Variants in SOX6 observed in about 807,000 individuals in gnomAD.
The protein encoded by SOX6 is transcription factor SOX-6.
In SOX6, 11 loss-of-function variants were observed where a neutral mutation model predicts 97.8. The observed-to-expected ratio is 0.11, with a 90% CI of 0.07 to 0.19. SOX6 has a LOEUF of 0.19. SOX6 is among the 10% of genes least tolerant of loss of function. SOX6 has a pLI of 1.00. For synonymous variants in SOX6, 360 were observed against 371.4 expected (o/e 0.97, Z 0.35); for missense variants, 810 against 1,039.5 (o/e 0.78, Z 3.04).
At chr11:15,980,761 G>A (rs1309455380) in intron 15 of SOX6, among the ~76,000 whole-genome samples, 2 of 151,966 alleles carry the variant, frequency 1.3e-5, no homozygotes, top group Non-Finnish European at 2.9e-5. Context: ...TCCCATGCTT[G>A]GCCATAATGC....
At chr11:16,385,088 T>C (rs1022274008) in intron 1 of SOX6, among the ~76,000 whole-genome samples, 1 of 152,134 alleles carries the variant, frequency 6.6e-6, no homozygotes, top group African/African-American at 2.4e-5. Flanking sequence ...TTACTTCAAG[T>C]ACTGTTGTTA....
In SOX6 at chr11:16,569,868, C is replaced by CAAAAAAAAAAAAAAAAAAAAAAAAAAAA. The variant is rs34604334; in HGVS notation, n.609+42212_609+42213insTTTTTTTTTTTTTTTTTTTTTTTTTTTT. On this transcript the variant is annotated intron_variant and non_coding_transcript_variant, in intron 4 of 5. Coordinates refer to the SOX6 transcript ENST00000524520. ...TGGGTGACTGATCAAGACTCCGTCTCAAAAAAAAAAAAAAAAAGATATACT... is the reference window on the plus strand; with the variant it reads ...TGGGTGACTGATCAAGACTCCGTCTCAAAAAAAAAAAAAAAAAAAAAAAAAAAAAAAAAAAAAAAAAAAAAGATATACT... Among the ~76,000 whole-genome samples, 30 of 84,770 alleles carry CAAAAAAAAAAAAAAAAAAAAAAAAAAAA rather than the reference C, an allele frequency of 3.5e-4. 1 individual carries two copies. Among genetic ancestry groups the CAAAAAAAAAAAAAAAAAAAAAAAAAAAA allele is most frequent in the East Asian group, 8.4e-4 (2 of 2,376 alleles). 55.6% of individuals were successfully genotyped at this position (84,770 alleles called of 152,430 possible).
chr11:16,019,353 C>T (rs1456690619), intron 12 of SOX6, among the ~76,000 whole-genome samples: 1 of 152,050 alleles, frequency 6.6e-6, no homozygotes, highest in Non-Finnish European at 1.5e-5. Flanking sequence ...CTTTACTAAC[C>T]TTTATTCAAA....
intron 2 of SOX6, among the ~76,000 whole-genome samples, chr11:16,319,575 G>T (rs902427885): frequency 4.1e-5 from 6 of 147,274 alleles, no homozygotes; most frequent in African/African-American, 1.5e-4. Context: ...TCCCACCTAC[G>T]AGTGATAACA....
chr11:16,539,148 T>C (rs1044755838), intron 4 of SOX6, among the ~76,000 whole-genome samples: 1 of 152,138 alleles, frequency 6.6e-6, no homozygotes, highest in African/African-American at 2.4e-5. Context: ...TGCAATCAAA[T>C]TAGAACTCAG....
At chr11:16,137,323 T>C (rs1446796197) in intron 6 of SOX6, among the ~76,000 whole-genome samples, 1 of 152,000 alleles carries the variant, frequency 6.6e-6, no homozygotes, top group Non-Finnish European at 1.5e-5. Context: ...CTACTCGGGA[T>C]GCTGAGGCAC....
intron 9 of SOX6, among the ~76,000 whole-genome samples, chr11:16,069,364 T>C (rs1299948709): frequency 3.9e-5 from 6 of 152,210 alleles, no homozygotes; most frequent in Non-Finnish European, 8.8e-5. Context: ...TCATACATAC[T>C]CATTTCTCGT....
chr11:16,456,952 C>A (rs2133102114), intron 1 of SOX6, among the ~76,000 whole-genome samples: 1 of 152,106 alleles, frequency 6.6e-6, no homozygotes, highest in African/African-American at 2.4e-5. Flanking sequence ...TTTTGAAAAT[C>A]AAAGGTTTTT....
intron 6 of SOX6, among the ~76,000 whole-genome samples, chr11:16,183,103 C>T (rs1851386495): frequency 6.6e-6 from 1 of 151,826 alleles, no homozygotes; most frequent in South Asian, 2.1e-4. Context: ...CAGCCAGTTC[C>T]TTATTCTAGG....
intron 4 of SOX6, among the ~76,000 whole-genome samples, chr11:16,566,734 G>C (rs940256884): frequency 6.6e-6 from 1 of 152,204 alleles, no homozygotes; most frequent in African/African-American, 2.4e-5. Flanking sequence ...CTCATGGAAA[G>C]GTAAAATGAT....
At chr11:16,479,947 G>A (rs1179257076), upstream of SOX6, among the ~76,000 whole-genome samples, 1 of 151,878 alleles carries the variant, frequency 6.6e-6, no homozygotes, top group Non-Finnish European at 1.5e-5. Context: ...CCAAAATTAG[G>A]AATAACCTAT....
At chr11:16,161,148 T>C (rs1850738760) in intron 6 of SOX6, among the ~76,000 whole-genome samples, 1 of 152,136 alleles carries the variant, frequency 6.6e-6, no homozygotes, top group Non-Finnish European at 1.5e-5. Context: ...TTTCAACCTA[T>C]AAACATGATG....
chr11:16,248,472 T>A (rs1853406941), intron 3 of SOX6, among the ~76,000 whole-genome samples: 1 of 152,164 alleles, frequency 6.6e-6, no homozygotes, highest in Admixed American at 6.5e-5. Flanking sequence ...TTTCCATACA[T>A]CCTCTGAAAT....
chr11:16,203,260 T>C (rs1851986918), intron 4 of SOX6, among the ~76,000 whole-genome samples: 2 of 152,140 alleles, frequency 1.3e-5, no homozygotes, highest in Admixed American at 1.3e-4. Context: ...TATAAAAATT[T>C]AGCTTTCTGA....
In SOX6 at chr11:16,073,726, A is replaced by G. The variant is rs1002917363; in HGVS notation, c.1102-17825T>C. The stretch of plus-strand genomic sequence containing the variant: ...CTCAACAAGTTAAAAAAATAACAAA[A>G]TCATACCAAACATACTCTCAGACCA... On this transcript the variant is annotated intron_variant, in intron 9 of 15. Transcript: ENST00000683767. Among the ~76,000 whole-genome samples, 4 of 152,294 alleles carry G rather than the reference A, an allele frequency of 2.6e-5. No individual in the cohort carries two copies. The East Asian group carries it at 5.8e-4, about 22-fold the overall frequency.
intron 3 of SOX6, among the ~76,000 whole-genome samples, chr11:16,691,856 C>G (rs1848015593): frequency 6.6e-6 from 1 of 152,096 alleles, no homozygotes; most frequent in Non-Finnish European, 1.5e-5. Context: ...TAATCATTAA[C>G]CTTTTAGATT....
At chr11:16,549,000 C>A (rs1489782785) in intron 4 of SOX6, among the ~76,000 whole-genome samples, 6 of 151,860 alleles carry the variant, frequency 4.0e-5, no homozygotes, top group African/African-American at 1.5e-4. Flanking sequence ...ATATAAAAAG[C>A]TCTTTCAATT....
chr11:15,987,553 A>G (rs533363563), intron 14 of SOX6, among the ~76,000 whole-genome samples: 10 of 152,142 alleles, frequency 6.6e-5, no homozygotes, highest in Non-Finnish European at 1.2e-4. Flanking sequence ...AATAATATAG[A>G]TTCCCCACAG....
At chr11:16,520,441 G>C (rs892086104) in intron 4 of SOX6, among the ~76,000 whole-genome samples, 1 of 152,098 alleles carries the variant, frequency 6.6e-6, no homozygotes, top group Non-Finnish European at 1.5e-5. Flanking sequence ...TTTATTAACC[G>C]TGTCTTCCAA....
Sources: allele counts gnomAD v4.1 joint callset (sites outside exome capture counted in the v4.1 genomes callset), GRCh38; gene constraint gnomAD v4.1.1; transcripts MANE v1.5; gene names NCBI Gene and HGNC (gene_info 2026-07-23, HGNC 2026-07-21).